SRP19: variants seen among roughly 807,000 people sequenced by gnomAD.
SRP19 encodes signal recognition particle 19.
A neutral mutation model predicts 22.4 loss-of-function variants in SRP19; 11 were observed. The ratio of observed to expected loss-of-function variants is 0.49; its 90% CI spans 0.31 to 0.81. SRP19 has a LOEUF of 0.81. Among genes scored for constraint, SRP19 ranks in the 40% least tolerant of loss-of-function variants. The pLI, the probability that SRP19 is intolerant of heterozygous loss-of-function variation, is 0.05. For synonymous variants in SRP19, 61 were observed against 57.6 expected (o/e 1.06, Z -0.27); for missense variants, 168 against 175.9 (o/e 0.96, Z 0.25).
At chr5:112,887,025 G>T in intron 4 of SRP19, 1 of 1,603,068 alleles carries the variant, frequency 6.2e-7, no homozygotes, top group South Asian at 1.1e-5. Flanking sequence ...CTTCTTTAGT[G>T]ATGGCATCTG....
At position 112,878,927 on chromosome 5, in the gene SRP19, A is replaced by G. The variant is rs149403047; in HGVS notation, c.302-12676A>G. 3.5e-4 allele frequency: 559 copies of G among 1,593,264 alleles called. 5 individuals are homozygous for G. The East Asian group carries it at 8.5e-3, about 24-fold the overall frequency. On this transcript the variant is annotated intron_variant, in intron 4 of 4. Coordinates refer to the SRP19 transcript ENST00000391338. Reference sequence around the variant, plus strand: ...GCTTTGTGCCTAATGTAGCTACTAGATAACAAAACTTGGATGACTCATGTT... The same window carrying G: ...GCTTTGTGCCTAATGTAGCTACTAGGTAACAAAACTTGGATGACTCATGTT...
chr5:112,882,487 C>T (rs1265016401), intron 4 of SRP19, among the ~76,000 whole-genome samples: 1 of 152,222 alleles, frequency 6.6e-6, no homozygotes, highest in Non-Finnish European at 1.5e-5. Context: ...CACAACTCTC[C>T]ACCTACTCTG....
chr5:112,862,727 G>C (rs1009631623), intron 2 of SRP19, 144 bp downstream of exon 2: 4 of 696,976 alleles, frequency 5.7e-6, no homozygotes, highest in Admixed American at 5.2e-5. Flanking sequence ...ATTGGGGTGC[G>C]TTCCTCAGTG....
At chr5:112,893,342 G>A (rs562122090), downstream of SRP19, 145 of 229,038 alleles carry the variant, frequency 6.3e-4, 1 homozygote, top group South Asian at 8.3e-3. Context: ...TCTGGAAGGC[G>A]GAGGTTGCAG....
At chr5:112,880,469 C>A (rs1174831279) in intron 4 of SRP19, among the ~76,000 whole-genome samples, 1 of 152,160 alleles carries the variant, frequency 6.6e-6, no homozygotes, top group African/African-American at 2.4e-5. Context: ...CAAGGAGTCC[C>A]TTCTTGTCCA....
chr5:112,868,042 A>G lies in SRP19; in HGVS notation c.*505A>G, dbSNP rs1365463306. On this transcript the variant is annotated 3_prime_UTR_variant, in exon 5 of 5. Coordinates refer to ENST00000505459, the MANE Select transcript of SRP19 (RefSeq NM_003135.3). ...GTAGGTCCTTTTGTGGGTGGGGGAC[A>G]GGGGAGTCTGTAAAAAGCCAGTCTG... 4 of 985,632 alleles carry G rather than the reference A, an allele frequency of 4.1e-6. No individual in the cohort carries two copies. The Admixed American group carries it at 1.8e-4, about 45-fold the overall frequency. 61.1% of individuals were successfully genotyped at this position (985,632 alleles called of 1,614,324 possible). A position where few individuals can be genotyped will look rare whatever the true frequency, so the allele number is the denominator to read the frequency against.
At chr5:112,883,946 T>G (rs1416806212) in intron 4 of SRP19, among the ~76,000 whole-genome samples, 1 of 152,136 alleles carries the variant, frequency 6.6e-6, no homozygotes, top group African/African-American at 2.4e-5. Context: ...ATCCCATTAC[T>G]TCTACCTTTG....
intron 4 of SRP19, chr5:112,877,671 G>GTTACT (rs1432361507): frequency 3.3e-5 from 5 of 152,080 alleles, no homozygotes; most frequent in Admixed American, 1.3e-4. Flanking sequence ...CAGATTATGG[G>GTTACT]TTACTTTATA....
intron 1 of SRP19, among the ~76,000 whole-genome samples, chr5:112,861,639 G>GTGTT (rs1767402497): frequency 6.6e-6 from 1 of 152,372 alleles, no homozygotes; most frequent in Non-Finnish European, 1.5e-5. Flanking sequence ...AGGTAGCCTA[G>GTGTT]TGTTTATCTG....
chr5:112,872,571 C>T (rs1345449736), downstream of SRP19, among the ~76,000 whole-genome samples: 2 of 152,092 alleles, frequency 1.3e-5, no homozygotes, highest in Non-Finnish European at 1.5e-5. Flanking sequence ...TCAAGTGATC[C>T]GCACACCTTG....
chr5:112,871,069 G>A (rs763094714), downstream of SRP19, among the ~76,000 whole-genome samples: 60 of 152,144 alleles, frequency 3.9e-4, no homozygotes, highest in Non-Finnish European at 6.8e-4. Context: ...GGCCAGGCTG[G>A]TCTTGAACTC....
chr5:112,877,354 G>A (rs1318647919), intron 4 of SRP19: 1 of 152,090 alleles, frequency 6.6e-6, no homozygotes, highest in Non-Finnish European at 1.5e-5. Flanking sequence ...TGTTAGTTTA[G>A]TTATACACTT....
At chr5:112,893,197 G>A, downstream of SRP19, 1 of 457,322 alleles carries the variant, frequency 2.2e-6, no homozygotes, top group Non-Finnish European at 3.8e-6. Context: ...ATCACTTGAG[G>A]TCAGGAGTTT....
At chr5:112,887,880 TAATA>T (rs1768308986) in intron 4 of SRP19, among the ~76,000 whole-genome samples, 2 of 152,212 alleles carry the variant, frequency 1.3e-5, no homozygotes, top group Non-Finnish European at 2.9e-5. Flanking sequence ...TTGATTCAAA[TAATA>T]AATACCAACT....
At chr5:112,863,213 C>T (rs1281996715) in intron 2 of SRP19, among the ~76,000 whole-genome samples, 4 of 152,206 alleles carry the variant, frequency 2.6e-5, no homozygotes, top group Admixed American at 2.6e-4. Flanking sequence ...ATGACTTCAA[C>T]ACCATAGATT....
At chr5:112,876,240 A>G (rs928937833) in intron 4 of SRP19, 6 of 152,178 alleles carry the variant, frequency 3.9e-5, no homozygotes, top group African/African-American at 1.4e-4. Flanking sequence ...GGCAAGAACC[A>G]CCAGGAGAAA....
At chr5:112,870,868 C>G (rs1429220544), downstream of SRP19, among the ~76,000 whole-genome samples, 1 of 152,136 alleles carries the variant, frequency 6.6e-6, no homozygotes, top group East Asian at 1.9e-4. Flanking sequence ...TTCCCAGCTC[C>G]TAATCATGAG....
chr5:112,896,530 A>AT (rs1187313366), downstream of SRP19: 2 of 152,278 alleles, frequency 1.3e-5, no homozygotes, highest in African/African-American at 4.8e-5. Flanking sequence ...TCCATCTCAA[A>AT]AAAAAGAAAA....
downstream of SRP19, among the ~76,000 whole-genome samples, chr5:112,869,975 G>C (rs1018898051): frequency 6.6e-6 from 1 of 152,162 alleles, no homozygotes; most frequent in Admixed American, 6.5e-5. Context: ...TTATAAATTG[G>C]ACACAGTAAC....
Sources: allele counts gnomAD v4.1 joint callset (sites outside exome capture counted in the v4.1 genomes callset), GRCh38; gene constraint gnomAD v4.1.1; transcripts MANE v1.5; gene names NCBI Gene and HGNC (gene_info 2026-07-23, HGNC 2026-07-21).